COL19A1: variants seen among roughly 807,000 people sequenced by gnomAD.
The protein encoded by COL19A1 is collagen type XIX alpha 1 chain.
Under a neutral mutation model 190.2 loss-of-function variants are expected in COL19A1, and 159 were observed. The observed-to-expected ratio is 0.84, with a 90% CI of 0.73 to 0.95. The LOEUF (loss-of-function observed/expected upper bound fraction) is 0.95. COL19A1 is among the 40% of genes least tolerant of loss of function. The probability of loss-of-function intolerance (pLI) is 0.00; values close to 1 mark genes in which losing one functional copy is unlikely to be tolerated. For synonymous variants in COL19A1, 509 were observed against 458.9 expected, an observed-to-expected ratio of 1.11 and a Z score of -1.39; for missense variants, 1,418 against 1,431.9, an observed-to-expected ratio of 0.99 and a Z score of 0.16.
chr6:70,056,181 T>A (rs1406312225), intron 14 of COL19A1, among the ~76,000 whole-genome samples: 1 of 152,106 alleles, frequency 6.6e-6, no homozygotes, highest in Non-Finnish European at 1.5e-5. Flanking sequence ...ATGGAAAAAA[T>A]TTGAAAGGAA....
At chr6:70,202,331 C>A (rs1047103530) in intron 49 of COL19A1, among the ~76,000 whole-genome samples, 1 of 152,226 alleles carries the variant, frequency 6.6e-6, no homozygotes, top group Admixed American at 6.5e-5. Flanking sequence ...AATTTTAGAA[C>A]CTTTCTGCTA....
At chr6:69,980,140 G>C (rs1288346812) in intron 11 of COL19A1, among the ~76,000 whole-genome samples, 2 of 151,934 alleles carry the variant, frequency 1.3e-5, no homozygotes, top group Non-Finnish European at 2.9e-5. Flanking sequence ...TAGTAATTTA[G>C]AAATTTAGGG....
intron 11 of COL19A1, among the ~76,000 whole-genome samples, chr6:69,972,953 TG>T (rs1775514523): frequency 6.6e-6 from 1 of 152,334 alleles, no homozygotes; most frequent in South Asian, 2.1e-4. Flanking sequence ...GGCTGTTGAC[TG>T]TAGTGAACCT....
At chr6:70,029,988 G>T (rs553719989) in intron 12 of COL19A1, among the ~76,000 whole-genome samples, 1 of 152,122 alleles carries the variant, frequency 6.6e-6, no homozygotes, top group African/African-American at 2.4e-5. Context: ...TTATAGGAAA[G>T]CTTACCCAAC....
chr6:70,102,989 T>C (rs1325489946), intron 16 of COL19A1, among the ~76,000 whole-genome samples: 3 of 152,188 alleles, frequency 2.0e-5, no homozygotes, highest in African/African-American at 7.2e-5. Context: ...TGGGGCCATC[T>C]TTTTGTCTCC....
intron 15 of COL19A1, among the ~76,000 whole-genome samples, chr6:70,070,049 A>G (rs970772034): frequency 2.0e-5 from 3 of 152,136 alleles, no homozygotes; most frequent in African/African-American, 4.8e-5. Context: ...TGATGTCCTT[A>G]AAGTGTGACA....
intron 40 of COL19A1, among the ~76,000 whole-genome samples, chr6:70,171,006 C>T (rs1236919938): frequency 6.6e-6 from 1 of 152,172 alleles, no homozygotes; most frequent in Non-Finnish European, 1.5e-5. Context: ...AGGCATCAAA[C>T]AACTCCCCAC....
intron 4 of COL19A1, among the ~76,000 whole-genome samples, chr6:69,921,178 A>G: frequency 7.7e-6 from 1 of 130,556 alleles, no homozygotes; most frequent in Non-Finnish European, 1.5e-5. Context: ...TATACGTATC[A>G]CATATATTCA....
rs1768090987 is a variant in COL19A1 at position 70,209,948 on chromosome 6, G to A, written c.*2674G>A. 1 of 152,182 alleles carries A rather than the reference G, an allele frequency of 6.6e-6. No homozygotes were observed. Among genetic ancestry groups the A allele is most frequent in the South Asian group, 2.1e-4 (1 of 4,828 alleles). The allele number at this position is 152,182 out of a possible 1,614,324, so 9.4% of individuals were successfully genotyped here. A position where few individuals can be genotyped will look rare whatever the true frequency, so the allele number is the denominator to read the frequency against. On this transcript the variant is annotated 3_prime_UTR_variant, in exon 51 of 51. Transcript: ENST00000620364. Reference sequence around the variant, plus strand: ...GAAACTAAATAATTTGGGCCCCAAAGTAGGGTGGGAAGTTTTCCTCTAAAT... The same window carrying A: ...GAAACTAAATAATTTGGGCCCCAAAATAGGGTGGGAAGTTTTCCTCTAAAT...
At chr6:70,093,838 C>T (rs1655968663) in intron 15 of COL19A1, among the ~76,000 whole-genome samples, 2 of 152,160 alleles carry the variant, frequency 1.3e-5, no homozygotes, top group South Asian at 4.2e-4. Flanking sequence ...TTTTGAAAAG[C>T]CACATTAGTT....
rs2273948 is a variant in COL19A1 at position 70,180,332 on chromosome 6, G to A, written c.2688G>A (p.Gly896=). ...AGMSGKPGAP[G]PPGVPGEPGE... The stretch of plus-strand genomic sequence containing the variant: ...GCCAGGGAAAACCTGGTGCCCCAGG[G>A]CCTCCAGGAGTTCCAGGGGAACCGG... The change falls in exon 43 of 51, where the codon GGG becomes GGA. Residue 896 remains glycine, a synonymous_variant. Coordinates refer to ENST00000620364, the MANE Select transcript of COL19A1 (RefSeq NM_001858.6). 45,683 of 1,614,092 alleles carry A rather than the reference G, an allele frequency of 0.028. 1,541 individuals are homozygous for A. Among genetic ancestry groups the A allele is most frequent in the African/African-American group, 0.13 (9,877 of 74,998 alleles).
intron 3 of COL19A1, 31 bp downstream of exon 3, chr6:69,899,053 T>C: frequency 7.0e-7 from 1 of 1,436,912 alleles, no homozygotes; most frequent in Non-Finnish European, 9.8e-7. Context: ...CAAAGTAATA[T>C]TTTATGTAAA....
intron 41 of COL19A1, among the ~76,000 whole-genome samples, chr6:70,174,049 G>A (rs1765657949): frequency 6.6e-6 from 1 of 152,154 alleles, no homozygotes; most frequent in African/African-American, 2.4e-5. Context: ...GACAGAGGCT[G>A]ATAGGTGGGA....
At chr6:69,895,125 C>T (rs1582311542) in intron 2 of COL19A1, among the ~76,000 whole-genome samples, 1 of 152,140 alleles carries the variant, frequency 6.6e-6, no homozygotes, top group Admixed American at 6.5e-5. Context: ...GGGAACCAGT[C>T]AGCTGGCTGT....
At chr6:69,946,228 T>C (rs1773786810) in intron 9 of COL19A1, among the ~76,000 whole-genome samples, 1 of 152,082 alleles carries the variant, frequency 6.6e-6, no homozygotes, top group South Asian at 2.1e-4. Context: ...TCCTTACATT[T>C]GGTAAATGTA....
Position 70,210,189 on chromosome 6 carries a change from T to C in COL19A1, c.*2915T>C, listed in dbSNP as rs928062635. On this transcript the variant is annotated 3_prime_UTR_variant, in exon 51 of 51. Transcript: ENST00000620364. Reference sequence around the variant, plus strand: ...TAATATTAAAACTGTGATTTCCATATACAAGTATGTTTGAGTTCCAATCTT... The same window carrying C: ...TAATATTAAAACTGTGATTTCCATACACAAGTATGTTTGAGTTCCAATCTT... 1.3e-5 allele frequency among the ~76,000 whole-genome samples: 2 copies of C among 151,936 alleles called. No homozygotes were observed. Among genetic ancestry groups the C allele is most frequent in the Non-Finnish European group, 2.9e-5 (2 of 68,016 alleles).
chr6:69,875,072 C>T (rs1704707918), intron 1 of COL19A1, among the ~76,000 whole-genome samples: 2 of 152,154 alleles, frequency 1.3e-5, no homozygotes, highest in African/African-American at 4.8e-5. Context: ...AATAAACATA[C>T]GTATACAGAA....
chr6:70,191,737 A>C (rs543951219), intron 48 of COL19A1, among the ~76,000 whole-genome samples: 36 of 152,348 alleles, frequency 2.4e-4, no homozygotes, highest in African/African-American at 8.4e-4. Context: ...GATTTAACAA[A>C]TGAATCCATG....
intron 11 of COL19A1, among the ~76,000 whole-genome samples, chr6:70,009,096 T>C (rs1777823885): frequency 6.6e-6 from 1 of 151,980 alleles, no homozygotes; most frequent in South Asian, 2.1e-4. Flanking sequence ...TCAGGATCAA[T>C]ACAAGAATAT....
Sources: allele counts gnomAD v4.1 joint callset (sites outside exome capture counted in the v4.1 genomes callset), GRCh38; gene constraint gnomAD v4.1.1; transcripts MANE v1.5; gene names NCBI Gene and HGNC (gene_info 2026-07-23, HGNC 2026-07-21).